IL21: variants seen among roughly 807,000 people sequenced by gnomAD.
The protein encoded by IL21 is interleukin 21.
A neutral mutation model predicts 18.4 loss-of-function variants in IL21; 3 were observed. The ratio of observed to expected loss-of-function variants is 0.16; its 90% CI spans 0.07 to 0.42. The LOEUF is 0.42. Among genes scored for constraint, IL21 ranks in the 10% least tolerant of loss-of-function variants. The probability of loss-of-function intolerance (pLI) is 0.99; values close to 1 mark genes in which losing one functional copy is unlikely to be tolerated. For missense variants in IL21, 130 were observed against 188.4 expected (o/e 0.69, Z 1.81); for synonymous variants, 37 against 62.0 (o/e 0.60, Z 1.90).
intron 3 of IL21, among the ~76,000 whole-genome samples, chr4:122,613,283 G>T (rs1177575705): frequency 6.8e-6 from 1 of 147,554 alleles, no homozygotes; most frequent in Non-Finnish European, 1.5e-5. Context: ...ACATGTAGTG[G>T]TTGTTCTGTA....
chr4:122,620,683 A>T lies in IL21; in HGVS notation c.204+18T>A, dbSNP rs2150689694. ...TTATGTCCAATGTATTTTCAGAAATAAATTCAACTGGTCTTACCTCTACAT... is the reference window on the plus strand; with the variant it reads ...TTATGTCCAATGTATTTTCAGAAATTAATTCAACTGGTCTTACCTCTACAT... On this transcript the variant is annotated intron_variant, in intron 2 of 4. Transcript: ENST00000648588. 9 of 1,605,584 alleles carry T rather than the reference A, an allele frequency of 5.6e-6. No individual in the cohort carries two copies. Among genetic ancestry groups the T allele is most frequent in the African/African-American group, 1.3e-5 (1 of 74,538 alleles).
At chr4:122,619,944 C>T (rs1171068614) in intron 2 of IL21, 1 of 152,202 alleles carries the variant, frequency 6.6e-6, no homozygotes, top group Non-Finnish European at 1.5e-5. Flanking sequence ...GAAAACATTT[C>T]CCCAATTGCA....
In IL21 at chr4:122,612,763, G is replaced by A; in HGVS notation, c.439-3C>T. On this transcript the variant is annotated splice_region_variant and splice_polypyrimidine_tract_variant and intron_variant, in intron 4 of 4. Coordinates refer to ENST00000648588, the MANE Select transcript of IL21 (RefSeq NM_021803.4). Reference sequence around the variant, plus strand: ...GAGGACAGATGCTGATGAATCATCTGTGGAAATAGTATACCGTGAGTAACT... The same window carrying A: ...GAGGACAGATGCTGATGAATCATCTATGGAAATAGTATACCGTGAGTAACT... The A allele has an allele frequency of 6.2e-7, 1 of 1,613,558 alleles. No homozygotes were observed. Among genetic ancestry groups the A allele is most frequent in the Non-Finnish European group, 8.5e-7 (1 of 1,179,698 alleles).
At chr4:122,616,165 C>T (rs1271345086) in intron 2 of IL21, among the ~76,000 whole-genome samples, 4 of 152,208 alleles carry the variant, frequency 2.6e-5, no homozygotes, top group Non-Finnish European at 5.9e-5. Flanking sequence ...GACACATTTG[C>T]TGAGTTATGA....
At chr4:122,620,520 T>A (rs1404027091) in intron 2 of IL21, among the ~76,000 whole-genome samples, 181 bp downstream of exon 2, 1 of 152,234 alleles carries the variant, frequency 6.6e-6, no homozygotes, top group African/African-American at 2.4e-5. Flanking sequence ...TAGCATTTTT[T>A]AGTTGGTTTT....
rs1799262774 is a variant in IL21, at chr4:122,611,417, A to G, written c.*1293T>C. Among the ~76,000 whole-genome samples, 1 of 152,236 alleles carries G rather than the reference A, an allele frequency of 6.6e-6. No homozygotes were observed. The highest frequency in any genetic ancestry group is 2.1e-4 in the South Asian group (1 of 4,838). On this transcript the variant is annotated 3_prime_UTR_variant, in exon 5 of 5. Coordinates refer to ENST00000648588, the MANE Select transcript of IL21 (RefSeq NM_021803.4). The stretch of plus-strand genomic sequence containing the variant: ...AGCACATAATTTTTCTTCTCAGAGC[A>G]TAAAGCATTTCTCATCCCACATCCT...
chr4:122,618,926 AG>A (rs1337522455), intron 2 of IL21: 1 of 151,452 alleles, frequency 6.6e-6, no homozygotes, highest in Non-Finnish European at 1.5e-5. Context: ...CTTTGTTGTC[AG>A]GGCTGTCTTG....
In IL21 at chr4:122,612,658, T is replaced by C; in HGVS notation, c.*52A>G. 1 of 1,299,974 alleles carries C rather than the reference T, an allele frequency of 7.7e-7. No homozygotes were observed. The highest frequency in any genetic ancestry group is 1.1e-6 in the Non-Finnish European group (1 of 898,026). The allele number at this position is 1,299,974 out of a possible 1,614,324, so 80.5% of individuals were successfully genotyped here. ...CCACTTGGAATACAAAGAAATGACT[T>C]TCACTACTATATTAGAGTATGTAAC... On this transcript the variant is annotated 3_prime_UTR_variant, in exon 5 of 5. Coordinates refer to ENST00000648588, the MANE Select transcript of IL21 (RefSeq NM_021803.4).
intron 2 of IL21, chr4:122,619,545 AAC>A (rs1252956143): frequency 5.3e-5 from 8 of 152,254 alleles, no homozygotes; most frequent in African/African-American, 1.7e-4. Flanking sequence ...ACAGCCAGGA[AAC>A]TCTGGAAAGA....
At chr4:122,620,382 G>A (rs977081865) in intron 2 of IL21, among the ~76,000 whole-genome samples, 1 of 152,174 alleles carries the variant, frequency 6.6e-6, no homozygotes, top group African/African-American at 2.4e-5. Flanking sequence ...GTAACTAGCT[G>A]TGCATTGTTC....
intron 2 of IL21, 150 bp downstream of exon 2, chr4:122,620,551 C>A: frequency 2.9e-6 from 2 of 692,720 alleles, no homozygotes; most frequent in South Asian, 2.5e-5. Flanking sequence ...ATGAATTTAA[C>A]CAAAATATAA....
At chr4:122,619,731 G>A (rs747957679) in intron 2 of IL21, among the ~76,000 whole-genome samples, 36 of 152,204 alleles carry the variant, frequency 2.4e-4, no homozygotes, top group Non-Finnish European at 4.7e-4. Context: ...GTAAATGAGA[G>A]TGTTTGGGTT....
intron 2 of IL21, among the ~76,000 whole-genome samples, chr4:122,617,632 G>A (rs1799354005): frequency 6.6e-6 from 1 of 152,182 alleles, no homozygotes; most frequent in African/African-American, 2.4e-5. Flanking sequence ...AAAAACAACT[G>A]AAAATCTTTT....
At chr4:122,615,939 A>G in intron 2 of IL21, 102 bp from the exon 3 acceptor site, 1 of 980,492 alleles carries the variant, frequency 1.0e-6, no homozygotes, top group Non-Finnish European at 1.5e-6. Flanking sequence ...AATGTCGTGC[A>G]TTACATCGTT....
At chr4:122,613,969 G>A (rs45532838) in intron 3 of IL21, among the ~76,000 whole-genome samples, 7,878 of 152,210 alleles carry the variant, frequency 0.052, 282 homozygotes, top group Non-Finnish European at 0.075. Flanking sequence ...TTTTTAAAAA[G>A]CTTTCTTAGT....
chr4:122,613,881 A>T (rs190637407), intron 3 of IL21, among the ~76,000 whole-genome samples: 16 of 152,158 alleles, frequency 1.1e-4, no homozygotes, highest in African/African-American at 3.9e-4. Flanking sequence ...AAAAAACAGG[A>T]TTTCCTTGTT....
At position 122,612,609 on chromosome 4, in the gene IL21, C is replaced by T; in HGVS notation, c.*101G>A. ...TTGCACACTTATGAGTTTTTTTTTC[C>T]CATCGCTAATATATTGTACTCCTCC... On this transcript the variant is annotated 3_prime_UTR_variant, in exon 5 of 5. Coordinates refer to ENST00000648588, the MANE Select transcript of IL21 (RefSeq NM_021803.4). The T allele has an allele frequency of 1.3e-5, 11 of 818,894 alleles. No homozygotes were observed. Among genetic ancestry groups the T allele is most frequent in the African/African-American group, 1.7e-5 (1 of 57,904 alleles). 50.7% of individuals were successfully genotyped at this position (818,894 alleles called of 1,614,324 possible). A position where few individuals can be genotyped will look rare whatever the true frequency, so the allele number is the denominator to read the frequency against.
At position 122,611,518 on chromosome 4, in the gene IL21, T is replaced by C. The variant is rs1336975774; in HGVS notation, c.*1192A>G. 6.6e-6 allele frequency among the ~76,000 whole-genome samples: 1 copy of C among 152,220 alleles called. No homozygotes were observed. Among genetic ancestry groups the C allele is most frequent in the African/African-American group, 2.4e-5 (1 of 41,466 alleles). ...ACCATTCTAGCGAACATTTTACTTT[T>C]CTAGAGTTTTTAACTTCATGTTTAA... On this transcript the variant is annotated 3_prime_UTR_variant, in exon 5 of 5. Coordinates refer to ENST00000648588, the MANE Select transcript of IL21 (RefSeq NM_021803.4).
rs962194630 is a variant in IL21, at chr4:122,610,731, G to A, written c.*1979C>T. Among the ~76,000 whole-genome samples the A allele has an allele frequency of 1.3e-5, 2 of 152,188 alleles. No homozygotes were observed. Among genetic ancestry groups the A allele is most frequent in the Non-Finnish European group, 2.9e-5 (2 of 68,026 alleles). Reference sequence around the variant, plus strand: ...CTGTATTACTGTCCATAGATGAACAGTTATATTTATGGGTTATCTTTATAT... The same window carrying A: ...CTGTATTACTGTCCATAGATGAACAATTATATTTATGGGTTATCTTTATAT... On this transcript the variant is annotated 3_prime_UTR_variant, in exon 5 of 5. Coordinates refer to ENST00000648588, the MANE Select transcript of IL21 (RefSeq NM_021803.4).
Sources: allele counts gnomAD v4.1 joint callset (sites outside exome capture counted in the v4.1 genomes callset), GRCh38; gene constraint gnomAD v4.1.1; transcripts MANE v1.5; gene names NCBI Gene and HGNC (gene_info 2026-07-23, HGNC 2026-07-21).